The following ATP2A2 variants were observed in gnomAD, a reference collection of about 807,000 sequenced individuals.
ATP2A2 encodes the protein sarcoplasmic/endoplasmic reticulum calcium ATPase 2.
In ATP2A2, 14 loss-of-function variants were observed where a neutral mutation model predicts 109.3. The ratio of observed to expected loss-of-function variants is 0.13; its 90% confidence interval spans 0.08 to 0.20. The LOEUF is 0.20. ATP2A2 is among the 10% of genes least tolerant of loss of function. The pLI is 1.00. For missense variants in ATP2A2, 657 were observed against 1,321.6 expected (o/e 0.50, Z 7.80); for synonymous variants, 506 against 490.9 (o/e 1.03, Z -0.41).
intron 17 of ATP2A2, 136 bp from the exon 18 acceptor site, chr12:110,345,113 C>A (rs954091282): frequency 3.3e-6 from 5 of 1,504,574 alleles, no homozygotes; most frequent in Non-Finnish European, 1.8e-6. Context: ...AGGACCAGGG[C>A]TTCTCCGAGA....
intron 11 of ATP2A2, among the ~76,000 whole-genome samples, chr12:110,336,711 C>T (rs1878874441): frequency 6.6e-6 from 1 of 152,224 alleles, no homozygotes; most frequent in Non-Finnish European, 1.5e-5. Flanking sequence ...GAGACTGTCT[C>T]AGCTGAAATA....
Position 110,348,937 on chromosome 12 carries a change from ACT to A in ATP2A2, c.*2469_*2470del. The A allele has an allele frequency of 1.0e-6, 1 of 985,424 alleles. No homozygotes were observed. Among genetic ancestry groups the A allele is most frequent in the South Asian group, 4.7e-5 (1 of 21,282 alleles). 61.0% of individuals were successfully genotyped at this position (985,424 alleles called of 1,614,324 possible). A position where few individuals can be genotyped will look rare whatever the true frequency, so the allele number is the denominator to read the frequency against. On this transcript the variant is annotated 3_prime_UTR_variant, in exon 20 of 20. Transcript: ENST00000539276. Reference sequence around the variant, plus strand: ...ACTATTGCTATTCCGTGCAAACAAAACTCAGCTTTTCCTGACTCAGTTCCTTG... The same window carrying A: ...ACTATTGCTATTCCGTGCAAACAAAACAGCTTTTCCTGACTCAGTTCCTTG...
chr12:110,333,052 G>A, intron 9 of ATP2A2, 129 bp from the exon 10 acceptor site: 1 of 843,638 alleles, frequency 1.2e-6, no homozygotes, highest in South Asian at 1.4e-5. Flanking sequence ...CAAATTGTTT[G>A]GAATTTTTTC....
At chr12:110,310,143 T>C (rs780477013) in intron 5 of ATP2A2, among the ~76,000 whole-genome samples, 7 of 152,036 alleles carry the variant, frequency 4.6e-5, no homozygotes, top group Admixed American at 2.0e-4. Flanking sequence ...TTTTCTTTTT[T>C]TCTTTTTCCT....
chr12:110,296,405 T>C, intron 4 of ATP2A2, 194 bp from the exon 5 acceptor site: 1 of 693,406 alleles, frequency 1.4e-6, no homozygotes, highest in South Asian at 1.7e-5. Flanking sequence ...TGAGGGTACT[T>C]AACGTTTCGT....
Position 110,339,233 on chromosome 12 carries a change from A to G in ATP2A2, c.1420-48A>G. ...GTGCTTACTGCTTGTTAGGTAAAAA[A>G]GTTCAGAAATTGCCACCCAGTAGTA... On this transcript the variant is annotated intron_variant, in intron 11 of 19. Transcript: ENST00000539276. The surrounding 1 kb of genome is among the most constrained non-coding windows in gnomAD (Gnocchi z 4.4). The G allele has an allele frequency of 1.2e-6, 2 of 1,612,142 alleles. No homozygotes were observed. Among genetic ancestry groups the G allele is most frequent in the African/African-American group, 1.3e-5 (1 of 75,008 alleles).
intron 4 of ATP2A2, among the ~76,000 whole-genome samples, chr12:110,292,566 G>A (rs1206636657): frequency 1.3e-5 from 2 of 152,104 alleles, no homozygotes; most frequent in African/African-American, 2.4e-5. Flanking sequence ...ACCATGCCCG[G>A]CCTATTAATT....
intron 16 of ATP2A2, among the ~76,000 whole-genome samples, chr12:110,343,780 A>G (rs1879582203): frequency 1.3e-5 from 2 of 152,192 alleles, no homozygotes; most frequent in African/African-American, 2.4e-5. Flanking sequence ...AATTGTCACC[A>G]AGTTATAAAA....
At chr12:110,284,734 CTG>C (rs1592786291) in intron 3 of ATP2A2, among the ~76,000 whole-genome samples, 1 of 152,062 alleles carries the variant, frequency 6.6e-6, no homozygotes, top group Non-Finnish European at 1.5e-5. Flanking sequence ...TTTTTGGTAA[CTG>C]TGGAGTTACT....
intron 5 of ATP2A2, among the ~76,000 whole-genome samples, chr12:110,297,446 A>C (rs557889700): frequency 1.6e-4 from 25 of 151,830 alleles, no homozygotes; most frequent in East Asian, 7.7e-4. Flanking sequence ...AAAAAAAAAA[A>C]AAAAAACAGT....
In ATP2A2 at chr12:110,346,024, T is replaced by G; in HGVS notation, c.2765T>G (p.Leu922Arg). The G allele has an allele frequency of 6.2e-7, 1 of 1,614,200 alleles. No homozygotes were observed. Among genetic ancestry groups the G allele is most frequent in the Non-Finnish European group, 8.5e-7 (1 of 1,180,028 alleles). Residue 922 changes from leucine (L) to arginine (R), a missense_variant, in exon 19 of 20, where the codon CTG (leucine) becomes CGG (arginine). This residue lies in a region of ATP2A2 where 125 missense variants were observed against 243.5 expected (regional missense o/e 0.51). Transcript: ENST00000539276. ...AGCTTGTCCGAAAACCAGTCCTTGC[T>G]GAGGATGCCCCCCTGGGAGAACATC... ...LNSLSENQSL[L>R]RMPPWENIWL...
In ATP2A2 at chr12:110,340,175, T is replaced by C. The variant is rs1354418707; in HGVS notation, c.1761+454T>C. ...ATGAAGAAGCTTTGGTACTGTGGGCTCAGAATAGCACAAGAGTTAAAGAAT... is the reference window on the plus strand; with the variant it reads ...ATGAAGAAGCTTTGGTACTGTGGGCCCAGAATAGCACAAGAGTTAAAGAAT... On this transcript the variant is annotated intron_variant, in intron 13 of 19. Coordinates refer to ENST00000539276, the MANE Select transcript of ATP2A2 (RefSeq NM_170665.4). This position sits in a 1 kb window ranked among gnomAD's most constrained non-coding sequence, Gnocchi z 6.0. Among the ~76,000 whole-genome samples the C allele has an allele frequency of 6.6e-6, 1 of 152,174 alleles. No homozygotes were observed. The highest frequency in any genetic ancestry group is 1.5e-5 in the Non-Finnish European group (1 of 68,038).
chr12:110,316,811 T>G (rs1035899343), intron 5 of ATP2A2, among the ~76,000 whole-genome samples: 3 of 152,086 alleles, frequency 2.0e-5, no homozygotes, highest in Non-Finnish European at 2.9e-5. Context: ...AGAAACAAGT[T>G]AGAGGAACTG....
At chr12:110,313,901 A>G (rs941123554) in intron 5 of ATP2A2, among the ~76,000 whole-genome samples, 2 of 149,308 alleles carry the variant, frequency 1.3e-5, no homozygotes, top group African/African-American at 4.9e-5. Context: ...TTTAGTAGAG[A>G]CGGGGTTTCA....
Position 110,297,327 on chromosome 12 carries a change from T to C in ATP2A2, c.463+590T>C, listed in dbSNP as rs117368690. On this transcript the variant is annotated intron_variant, in intron 5 of 19. Coordinates refer to ENST00000539276, the MANE Select transcript of ATP2A2 (RefSeq NM_170665.4). The stretch of plus-strand genomic sequence containing the variant: ...GTGTGTGCCTGTAGTCCCAGCCACT[T>C]GTGAGGCTGCAGCAGGAAGAATCGC... Among the ~76,000 whole-genome samples, 1,349 of 151,344 alleles carry C rather than the reference T, an allele frequency of 8.9e-3. 11 individuals are homozygous for C. The highest frequency in any genetic ancestry group is 0.056 in the East Asian group (286 of 5,098).
chr12:110,312,784 A>AAGCTGCAATG (rs1876222257), intron 5 of ATP2A2, among the ~76,000 whole-genome samples: 1 of 151,368 alleles, frequency 6.6e-6, no homozygotes, highest in Admixed American at 6.6e-5. Context: ...CAGGAGATGG[A>AAGCTGCAATG]AGCTGCAATG....
Position 110,323,128 on chromosome 12 carries a change from C to T in ATP2A2, c.544+56C>T, listed in dbSNP as rs1457447179. The stretch of plus-strand genomic sequence containing the variant: ...CTGAAGACCTTCGCATATTCCATGC[C>T]AATAGAGTTGGCTCTTGCCTCACTG... On this transcript the variant is annotated intron_variant, in intron 6 of 19. Transcript: ENST00000539276. The T allele has an allele frequency of 1.3e-5, 17 of 1,348,898 alleles. No homozygotes were observed. In the Admixed American group the frequency reaches 2.2e-4, roughly 17 times the overall value. The allele number at this position is 1,348,898 out of a possible 1,614,324, so 83.6% of individuals were successfully genotyped here. A position where few individuals can be genotyped will look rare whatever the true frequency, so the allele number is the denominator to read the frequency against.
chr12:110,282,771 A>G lies in ATP2A2; in HGVS notation c.195A>G (p.Leu65=), dbSNP rs536014638. ...EQFEDLLVRI[L]LLAACISFVL... ...TTGAAGACTTGCTAGTTAGGATTTT[A>G]TTACTGGCAGCATGTATATCTTTTG... is the stretch of plus-strand genomic sequence containing the variant. Residue 65 remains leucine, a synonymous_variant, in exon 3 of 20, where the codon TTA becomes TTG. Coordinates refer to ENST00000539276, the MANE Select transcript of ATP2A2 (RefSeq NM_170665.4). 70 of 1,613,914 alleles carry G rather than the reference A, an allele frequency of 4.3e-5. No homozygotes were observed. The East Asian group carries it at 8.5e-4, about 20-fold the overall frequency.
chr12:110,328,306 C>T (rs1175683283), intron 8 of ATP2A2, among the ~76,000 whole-genome samples: 1 of 150,930 alleles, frequency 6.6e-6, no homozygotes, highest in Non-Finnish European at 1.5e-5. Flanking sequence ...CGCAGTGGCT[C>T]ACGCCTGTAA....
Sources: allele counts gnomAD v4.1 joint callset (sites outside exome capture counted in the v4.1 genomes callset), GRCh38; gene constraint gnomAD v4.1.1; regional missense constraint gnomAD v4.1.1; non-coding constraint Gnocchi (gnomAD v3.1); transcripts MANE v1.5; gene names NCBI Gene and HGNC (gene_info 2026-07-23, HGNC 2026-07-21).